Variants in ADAMTS16 observed in about 807,000 individuals in gnomAD.
ADAMTS16 encodes the protein ADAM metallopeptidase with thrombospondin type 1 motif 16, also known as A disintegrin and metalloproteinase with thrombospondin motifs 16.
A neutral mutation model predicts 145.8 loss-of-function variants in ADAMTS16; 94 were observed. The observed-to-expected ratio is 0.64, with a 90% CI of 0.55 to 0.77. The LOEUF (loss-of-function observed/expected upper bound fraction) is 0.77. Among genes scored for constraint, ADAMTS16 ranks in the 30% least tolerant of loss-of-function variants. The pLI is 0.00. For missense variants in ADAMTS16, 1,585 were observed against 1,591.5 expected (o/e 1.00, Z 0.07); for synonymous variants, 659 against 604.3 (o/e 1.09, Z -1.33).
At chr5:5,185,989 G>A (rs1735484842) in intron 4 of ADAMTS16, 63 bp from the exon 5 acceptor site, 1 of 1,440,242 alleles carries the variant, frequency 6.9e-7, no homozygotes. Flanking sequence ...TCTATGACGA[G>A]TTACGGCCCT....
At chr5:5,165,380 T>G (rs563013949) in intron 3 of ADAMTS16, among the ~76,000 whole-genome samples, 1 of 152,346 alleles carries the variant, frequency 6.6e-6, no homozygotes, top group African/African-American at 2.4e-5. Flanking sequence ...ATGTGTTATC[T>G]ACACAAATGC....
At chr5:5,170,820 A>G (rs1735023896) in intron 3 of ADAMTS16, among the ~76,000 whole-genome samples, 1 of 151,634 alleles carries the variant, frequency 6.6e-6, no homozygotes, top group Admixed American at 6.6e-5. Flanking sequence ...TTGTCTCTTC[A>G]CTTTGTTGAT....
intron 17 of ADAMTS16, among the ~76,000 whole-genome samples, chr5:5,250,703 TTC>T (rs766416461): frequency 0.17 from 1,292 of 7,624 alleles, 17 homozygotes; most frequent in Middle Eastern, 0.5. Flanking sequence ...TGTCTGTCTC[TTC>T]TCTCTGTGTG....
chr5:5,256,047 T>C, intron 17 of ADAMTS16, among the ~76,000 whole-genome samples: 1 of 152,218 alleles, frequency 6.6e-6, no homozygotes, highest in Non-Finnish European at 1.5e-5. Flanking sequence ...CCTGATCTTC[T>C]TTTTGCTCTA....
intron 3 of ADAMTS16, among the ~76,000 whole-genome samples, chr5:5,180,287 T>C (rs1279146287): frequency 1.3e-5 from 2 of 152,204 alleles, no homozygotes; most frequent in Non-Finnish European, 2.9e-5. Context: ...GTAATACTAA[T>C]AGTTCAGTAT....
chr5:5,319,657 G>A lies in ADAMTS16; in HGVS notation c.*519G>A. The A allele has an allele frequency of 2.8e-6, 1 of 351,272 alleles. No individual in the cohort carries two copies. Among genetic ancestry groups the A allele is most frequent in the South Asian group, 2.2e-5 (1 of 44,768 alleles). The allele number at this position is 351,272 out of a possible 1,614,324, so 21.8% of individuals were successfully genotyped here. On this transcript the variant is annotated 3_prime_UTR_variant, in exon 23 of 23. Coordinates refer to ENST00000274181, the MANE Select transcript of ADAMTS16 (RefSeq NM_139056.4). ...CAGGGGAGCTCCAGGAGGCTGCCCA[G>A]GCTCCTCCTCCTCCTCCCCAGCGGC...
chr5:5,181,342 T>C (rs954305308), intron 3 of ADAMTS16, among the ~76,000 whole-genome samples: 1 of 152,216 alleles, frequency 6.6e-6, no homozygotes, highest in South Asian at 2.1e-4. Flanking sequence ...GCTACCAAGA[T>C]CTTAAAAATA....
chr5:5,314,702 C>T (rs532922311), intron 21 of ADAMTS16, among the ~76,000 whole-genome samples: 22 of 151,806 alleles, frequency 1.4e-4, no homozygotes, highest in Non-Finnish European at 2.9e-4. Flanking sequence ...ATTTTTTTCA[C>T]GGGGAATTGT....
chr5:5,214,724 T>C (rs1215244037), intron 10 of ADAMTS16, among the ~76,000 whole-genome samples: 2 of 152,232 alleles, frequency 1.3e-5, no homozygotes, highest in African/African-American at 4.8e-5. Context: ...TTTTAAAAAT[T>C]AGAAGCTATT....
At chr5:5,149,927 GT>G (rs1734403917) in intron 3 of ADAMTS16, among the ~76,000 whole-genome samples, 1 of 152,146 alleles carries the variant, frequency 6.6e-6, no homozygotes, top group Non-Finnish European at 1.5e-5. Context: ...TTATTTACCT[GT>G]TTATCAGTTG....
At chr5:5,239,125 G>A in intron 14 of ADAMTS16, 26 bp from the exon 15 acceptor site, 2 of 1,470,282 alleles carry the variant, frequency 1.4e-6, no homozygotes, top group East Asian at 2.5e-5. Flanking sequence ...TTTCATGAAT[G>A]ACATGTGACC....
chr5:5,209,065 C>T, intron 9 of ADAMTS16, 28 bp from the exon 10 acceptor site: 3 of 1,604,690 alleles, frequency 1.9e-6, no homozygotes, highest in Non-Finnish European at 2.6e-6. Context: ...CGGGCAGTTA[C>T]TAGTAGCTCA....
At chr5:5,206,436 A>G (rs1186479375) in intron 9 of ADAMTS16, among the ~76,000 whole-genome samples, 1 of 148,590 alleles carries the variant, frequency 6.7e-6, no homozygotes, top group Non-Finnish European at 1.5e-5. Context: ...AAAAAAAAAA[A>G]AAAAAAAAAA....
rs866874257 is a variant in ADAMTS16, at chr5:5,140,767, G to A, written c.175+1G>A. On this transcript the variant is annotated splice_donor_variant, in intron 2 of 22. Transcript: ENST00000274181. LOFTEE classifies it high-confidence loss of function. ...CGGCCGGGCTGGATGGAAAAGGGCG[G>A]TAAGTCCGTGAGGTGGGGGCTTCTA... The A allele has an allele frequency of 6.4e-7, 1 of 1,556,298 alleles. No individual in the cohort carries two copies. Among genetic ancestry groups the A allele is most frequent in the Admixed American group, 1.9e-5 (1 of 52,190 alleles).
At chr5:5,316,160 G>A (rs1236511859) in intron 21 of ADAMTS16, among the ~76,000 whole-genome samples, 1 of 152,176 alleles carries the variant, frequency 6.6e-6, no homozygotes, top group Non-Finnish European at 1.5e-5. Flanking sequence ...AGGCTGGTTT[G>A]GGCTGTGGAG....
intron 9 of ADAMTS16, among the ~76,000 whole-genome samples, chr5:5,208,328 T>G (rs1440131457): frequency 6.6e-6 from 1 of 152,192 alleles, no homozygotes; most frequent in Non-Finnish European, 1.5e-5. Flanking sequence ...TTTTTGGTTT[T>G]CTCAGGGAAG....
chr5:5,201,915 T>A (rs1210090114), intron 9 of ADAMTS16, among the ~76,000 whole-genome samples: 1 of 152,208 alleles, frequency 6.6e-6, no homozygotes, highest in Non-Finnish European at 1.5e-5. Context: ...CCTACCTTTT[T>A]TTTGTTTTCT....
intron 2 of ADAMTS16, among the ~76,000 whole-genome samples, chr5:5,145,632 A>G (rs1483233526): frequency 6.6e-6 from 1 of 152,258 alleles, no homozygotes; most frequent in Non-Finnish European, 1.5e-5. Flanking sequence ...GTAAAGGACG[A>G]ATATTTTCTC....
chr5:5,230,990 C>T (rs1736903026), intron 11 of ADAMTS16, among the ~76,000 whole-genome samples: 1 of 152,110 alleles, frequency 6.6e-6, no homozygotes, highest in Admixed American at 6.5e-5. Context: ...AAAGCTATGA[C>T]CAGATGGTTT....
Sources: allele counts gnomAD v4.1 joint callset (sites outside exome capture counted in the v4.1 genomes callset), GRCh38; gene constraint gnomAD v4.1.1; transcripts MANE v1.5; gene names NCBI Gene and HGNC (gene_info 2026-07-23, HGNC 2026-07-21).